The following LDB2 variants were observed in gnomAD, a reference collection of about 807,000 sequenced individuals.
The protein encoded by LDB2 is LIM domain-binding protein 2.
Under a neutral mutation model 44.3 loss-of-function variants are expected in LDB2, and 12 were observed. The ratio of observed to expected loss-of-function variants is 0.27; its 90% CI spans 0.17 to 0.44. The LOEUF is 0.44. Ranked by LOEUF, LDB2 falls within the 20% of genes least tolerant of loss-of-function variation. The pLI, the probability that LDB2 is intolerant of heterozygous loss-of-function variation, is 1.00. For missense variants in LDB2, 344 were observed against 473.5 expected (o/e 0.73, Z 2.54); for synonymous variants, 164 against 174.8 (o/e 0.94, Z 0.49).
chr4:16,833,841 C>T (rs1453824657), intron 1 of LDB2, among the ~76,000 whole-genome samples: 2 of 151,958 alleles, frequency 1.3e-5, no homozygotes, highest in African/African-American at 2.4e-5. Context: ...ACACCCCGCC[C>T]TCCTCATTTT....
At chr4:16,638,827 C>A (rs889507873) in intron 2 of LDB2, among the ~76,000 whole-genome samples, 2 of 149,208 alleles carry the variant, frequency 1.3e-5, no homozygotes, top group Admixed American at 6.8e-5. Flanking sequence ...GATTGATACA[C>A]TAAGACAAGA....
At chr4:16,634,928 TG>T (rs1182437453) in intron 2 of LDB2, among the ~76,000 whole-genome samples, 1 of 152,216 alleles carries the variant, frequency 6.6e-6, no homozygotes, top group African/African-American at 2.4e-5. Flanking sequence ...TAAGAAAATG[TG>T]GCATATGTAC....
At position 16,816,076 on chromosome 4, in the gene LDB2, T is replaced by C. The variant is rs890598779; in HGVS notation, c.133-56816A>G. On this transcript the variant is annotated intron_variant, in intron 1 of 7. Transcript: ENST00000304523. ...TACAAAAATTAGCCAGGTGTGGTGG[T>C]GGGCACCTGTAATCCTAGCTACTTG... is the stretch of plus-strand genomic sequence containing the variant. Among the ~76,000 whole-genome samples the C allele has an allele frequency of 2.0e-5, 3 of 152,128 alleles. No homozygotes were observed. The East Asian group carries it at 5.9e-4, about 30-fold the overall frequency.
At chr4:16,632,626 G>C (rs1732318013) in intron 2 of LDB2, among the ~76,000 whole-genome samples, 1 of 152,142 alleles carries the variant, frequency 6.6e-6, no homozygotes, top group Non-Finnish European at 1.5e-5. Flanking sequence ...CAAATAGGAA[G>C]AGAGGAAGTC....
chr4:16,803,604 A>G (rs1292743754), intron 1 of LDB2, among the ~76,000 whole-genome samples: 2 of 152,208 alleles, frequency 1.3e-5, no homozygotes, highest in Non-Finnish European at 2.9e-5. Context: ...ACAGCTTCAC[A>G]TATGACCAAC....
chr4:16,695,075 G>A (rs556450124), intron 2 of LDB2, among the ~76,000 whole-genome samples: 1 of 152,268 alleles, frequency 6.6e-6, no homozygotes, highest in African/African-American at 2.4e-5. Flanking sequence ...GATTCCCCTA[G>A]CATGGACTTG....
intron 2 of LDB2, among the ~76,000 whole-genome samples, chr4:16,628,461 C>A (rs1270707525): frequency 6.6e-6 from 1 of 152,124 alleles, no homozygotes; most frequent in East Asian, 1.9e-4. Flanking sequence ...GTATTTGCAT[C>A]AGATCCATCT....
At chr4:16,618,528 CAT>C (rs1728008295) in intron 2 of LDB2, among the ~76,000 whole-genome samples, 1 of 152,116 alleles carries the variant, frequency 6.6e-6, no homozygotes, top group East Asian at 1.9e-4. Context: ...TGTATATACA[CAT>C]ATGTGTACAT....
At chr4:16,873,863 C>T (rs999833406) in intron 1 of LDB2, among the ~76,000 whole-genome samples, 21 of 152,168 alleles carry the variant, frequency 1.4e-4, no homozygotes, top group African/African-American at 5.1e-4. Flanking sequence ...AACATGGTCT[C>T]TCATGTCAAT....
chr4:16,702,303 A>G lies in LDB2; in HGVS notation c.235+56855T>C, dbSNP rs143454608. ...TCCAACACTTCCCATGAACTTGGAA[A>G]GTTCTCTTATGGTTGTCAACGTATT... On this transcript the variant is annotated intron_variant, in intron 2 of 7. Coordinates refer to ENST00000304523, the MANE Select transcript of LDB2 (RefSeq NM_001290.5). Among the ~76,000 whole-genome samples the G allele has an allele frequency of 7.3e-3, 1,105 of 152,312 alleles. 9 individuals are homozygous for G. The highest frequency in any genetic ancestry group is 0.012 in the Non-Finnish European group (832 of 68,016).
At chr4:16,743,214 C>T (rs1763695310) in intron 2 of LDB2, among the ~76,000 whole-genome samples, 3 of 152,084 alleles carry the variant, frequency 2.0e-5, no homozygotes, top group Admixed American at 2.0e-4. Flanking sequence ...TGCTTGAACC[C>T]AGGAGGCGGA....
intron 2 of LDB2, among the ~76,000 whole-genome samples, chr4:16,728,324 C>T (rs1422457229): frequency 1.3e-5 from 2 of 152,074 alleles, no homozygotes; most frequent in Non-Finnish European, 2.9e-5. Context: ...AAGATGTCAG[C>T]TTGCCCAGAA....
intron 2 of LDB2, among the ~76,000 whole-genome samples, chr4:16,727,032 T>C (rs1561011491): frequency 6.6e-6 from 1 of 152,192 alleles, no homozygotes; most frequent in Non-Finnish European, 1.5e-5. Flanking sequence ...GGTGGCTTGA[T>C]GGTAAGTTAG....
At chr4:16,734,444 G>C (rs539885) in intron 2 of LDB2, among the ~76,000 whole-genome samples, 2 of 151,398 alleles carry the variant, frequency 1.3e-5, no homozygotes, top group African/African-American at 4.9e-5. Flanking sequence ...CGGTGCCTTG[G>C]ACTCAGAATT....
intron 1 of LDB2, among the ~76,000 whole-genome samples, chr4:16,895,135 A>G (rs1377770715): frequency 6.6e-6 from 1 of 151,762 alleles, no homozygotes; most frequent in Non-Finnish European, 1.5e-5. Context: ...AAAAAAAAAA[A>G]AAGAAAATCT....
At chr4:16,724,548 G>C (rs888698611) in intron 2 of LDB2, among the ~76,000 whole-genome samples, 5 of 152,018 alleles carry the variant, frequency 3.3e-5, no homozygotes, top group African/African-American at 9.7e-5. Context: ...TCTAGCCCCA[G>C]TTCAAGTTAC....
chr4:16,539,618 T>C (rs999587051), intron 5 of LDB2, among the ~76,000 whole-genome samples: 54 of 152,188 alleles, frequency 3.5e-4, no homozygotes, highest in African/African-American at 1.1e-3. Flanking sequence ...AAAAATAGTT[T>C]AGCTTCCAAG....
At chr4:16,794,300 T>G (rs1176112295) in intron 1 of LDB2, among the ~76,000 whole-genome samples, 1 of 152,180 alleles carries the variant, frequency 6.6e-6, no homozygotes, top group South Asian at 2.1e-4. Context: ...TCAGGGGGTA[T>G]CTTGGCTAAG....
intron 5 of LDB2, among the ~76,000 whole-genome samples, chr4:16,569,196 T>C (rs1216175890): frequency 2.0e-5 from 3 of 152,204 alleles, no homozygotes; most frequent in African/African-American, 7.2e-5. Flanking sequence ...AAAAAATAAC[T>C]TCTTCAATTC....
Sources: allele counts gnomAD v4.1 joint callset (sites outside exome capture counted in the v4.1 genomes callset), GRCh38; gene constraint gnomAD v4.1.1; transcripts MANE v1.5; gene names NCBI Gene and HGNC (gene_info 2026-07-23, HGNC 2026-07-21).